The following HSPA12A variants were observed in gnomAD, a reference collection of about 807,000 sequenced individuals.
The protein encoded by HSPA12A is heat shock 70 kDa protein 12A.
HSPA12A carries 28 observed loss-of-function variants against 69.2 expected under a neutral mutation model. That is an observed-to-expected ratio of 0.40 (90% CI 0.30 to 0.55). The LOEUF is 0.55. Among genes scored for constraint, HSPA12A ranks in the 20% least tolerant of loss-of-function variants. HSPA12A has a pLI of 0.38. For missense variants in HSPA12A, 686 were observed against 900.7 expected, an observed-to-expected ratio of 0.76 and a Z score of 3.05; for synonymous variants, 345 against 370.5, an observed-to-expected ratio of 0.93 and a Z score of 0.79.
upstream of HSPA12A, among the ~76,000 whole-genome samples, chr10:116,746,492 G>T (rs1851652206): frequency 6.6e-6 from 1 of 152,204 alleles, no homozygotes; most frequent in African/African-American, 2.4e-5. Context: ...CAGAGAGCAT[G>T]GGGTCAGCTG....
At chr10:116,816,446 T>A (rs1845305511) in intron 2 of HSPA12A, among the ~76,000 whole-genome samples, 1 of 152,220 alleles carries the variant, frequency 6.6e-6, no homozygotes, top group Non-Finnish European at 1.5e-5. Context: ...ACTCTTCACC[T>A]TTTCTCCGAG....
chr10:116,739,654 C>T (rs996586195), intron 1 of HSPA12A, among the ~76,000 whole-genome samples: 1 of 152,158 alleles, frequency 6.6e-6, no homozygotes, highest in Non-Finnish European at 1.5e-5. Context: ...CCACTCAGGT[C>T]ATGCGGGAGG....
At position 116,672,452 on chromosome 10, in the gene HSPA12A, G is replaced by T. The variant is rs1029541612; in HGVS notation, c.*2329C>A. ...TGTGCATGGAGAAGGGTCTGATGAG[G>T]CTCCTGATCCAGGCGGTCCACGTGC... On this transcript the variant is annotated 3_prime_UTR_variant, in exon 12 of 12. Coordinates refer to ENST00000369209, the MANE Select transcript of HSPA12A (RefSeq NM_025015.3). The T allele has an allele frequency of 6.6e-6, 1 of 152,228 alleles. No homozygotes were observed. The highest frequency in any genetic ancestry group is 1.5e-5 in the Non-Finnish European group (1 of 68,060). 9.4% of individuals were successfully genotyped at this position (152,228 alleles called of 1,614,324 possible). A position where few individuals can be genotyped will look rare whatever the true frequency, so the allele number is the denominator to read the frequency against.
intron 2 of HSPA12A, chr10:116,750,629 G>A (rs374118868): frequency 3.6e-5 from 9 of 249,406 alleles, no homozygotes; most frequent in Admixed American, 2.4e-4. Context: ...AGAGAGTAAC[G>A]CTGCTATGCA....
chr10:116,818,415 A>G (rs1845347577), intron 2 of HSPA12A, among the ~76,000 whole-genome samples: 1 of 151,752 alleles, frequency 6.6e-6, no homozygotes, highest in African/African-American at 2.4e-5. Context: ...CCATAATGGC[A>G]GTGATGTATG....
intron 2 of HSPA12A, among the ~76,000 whole-genome samples, chr10:116,768,863 C>G (rs943687582): frequency 1.3e-5 from 2 of 152,082 alleles, no homozygotes; most frequent in African/African-American, 4.8e-5. Context: ...CTTAGCACAG[C>G]CCCCTATTGC....
At chr10:116,768,654 C>T (rs1353405843) in intron 2 of HSPA12A, among the ~76,000 whole-genome samples, 1 of 152,122 alleles carries the variant, frequency 6.6e-6, no homozygotes, top group African/African-American at 2.4e-5. Context: ...GCTGGGACTA[C>T]AGGAGCCTGG....
chr10:116,704,288 T>C (rs981345020), intron 3 of HSPA12A, among the ~76,000 whole-genome samples: 1 of 152,036 alleles, frequency 6.6e-6, no homozygotes, highest in Non-Finnish European at 1.5e-5. Context: ...CCATAAAAAA[T>C]GATGAGTTCA....
At chr10:116,696,663 CTA>C (rs1554880913) in intron 5 of HSPA12A, among the ~76,000 whole-genome samples, 1 of 152,154 alleles carries the variant, frequency 6.6e-6, no homozygotes, top group Admixed American at 6.5e-5. Flanking sequence ...CATTCCCCCA[CTA>C]GAAATCCTTT....
intron 1 of HSPA12A, among the ~76,000 whole-genome samples, chr10:116,837,380 A>C (rs1352992242): frequency 6.6e-6 from 1 of 152,218 alleles, no homozygotes; most frequent in Non-Finnish European, 1.5e-5. Flanking sequence ...CAGGTGAATC[A>C]CCTGTCATCA....
At chr10:116,774,999 T>TAC (rs1844303796) in intron 2 of HSPA12A, among the ~76,000 whole-genome samples, 1 of 151,984 alleles carries the variant, frequency 6.6e-6, no homozygotes, top group Non-Finnish European at 1.5e-5. Flanking sequence ...ACTGTGCTGC[T>TAC]TTGGGGGACT....
In HSPA12A at chr10:116,723,306, G is replaced by A. The variant is rs1367968487; in HGVS notation, c.41-16021C>T. On this transcript the variant is annotated intron_variant, in intron 1 of 11. Transcript: ENST00000369209. This position sits in a 1 kb window ranked among gnomAD's most constrained non-coding sequence, Gnocchi z 4.1. ...ATCTGCCATCCCTCAGGCCTGGCTT[G>A]TGCACTGGCTGTCTGCAGGGAGAGA... Among the ~76,000 whole-genome samples, 1 of 152,116 alleles carries A rather than the reference G, an allele frequency of 6.6e-6. No individual in the cohort carries two copies. The highest frequency in any genetic ancestry group is 1.5e-5 in the Non-Finnish European group (1 of 68,018).
intron 2 of HSPA12A, among the ~76,000 whole-genome samples, chr10:116,752,711 T>C (rs1554888470): frequency 6.6e-6 from 1 of 152,194 alleles, no homozygotes; most frequent in African/African-American, 2.4e-5. Context: ...ACTTGCTCCA[T>C]CCCCGCCTAG....
chr10:116,757,369 G>A (rs1453212843), intron 2 of HSPA12A, among the ~76,000 whole-genome samples: 1 of 152,146 alleles, frequency 6.6e-6, no homozygotes, highest in East Asian at 1.9e-4. Flanking sequence ...CAGGGCTGAT[G>A]ATCAAAATCC....
At chr10:116,789,727 A>G (rs1844660249) in intron 2 of HSPA12A, among the ~76,000 whole-genome samples, 1 of 152,212 alleles carries the variant, frequency 6.6e-6, no homozygotes, top group Non-Finnish European at 1.5e-5. Flanking sequence ...AACACGTCGT[A>G]GAGTGAAGCT....
At chr10:116,724,449 G>A (rs1850883437) in intron 1 of HSPA12A, among the ~76,000 whole-genome samples, 1 of 152,066 alleles carries the variant, frequency 6.6e-6, no homozygotes, top group East Asian at 1.9e-4. Context: ...GACCTTTTGA[G>A]TCTCCATCTC....
intron 1 of HSPA12A, among the ~76,000 whole-genome samples, chr10:116,846,309 T>C (rs1239862008): frequency 6.6e-6 from 1 of 152,064 alleles, no homozygotes; most frequent in Non-Finnish European, 1.5e-5. Flanking sequence ...CCCTCAAATA[T>C]TGTTAATGTA....
At chr10:116,711,704 G>C (rs1469528251) in intron 1 of HSPA12A, among the ~76,000 whole-genome samples, 4 of 127,378 alleles carry the variant, frequency 3.1e-5, no homozygotes, top group Non-Finnish European at 6.2e-5. Context: ...TCGCTCTGTC[G>C]CCCAGGCTGA....
chr10:116,674,897 C>T lies in HSPA12A; in HGVS notation c.1912G>A (p.Ala638Thr), dbSNP rs41284376. The T allele has an allele frequency of 4.8e-3, 7,819 of 1,614,070 alleles. 57 individuals carry two copies. The highest frequency in any genetic ancestry group is 4.4e-3 in the Non-Finnish European group (5,161 of 1,180,036). ...LTGTSGTAVP[A>T]RREIQTLMQF... is the part of the protein sequence containing the mutation. The stretch of plus-strand genomic sequence containing the variant: ...ATAAGGGTCTGGATCTCCCTCCGGG[C>T]GGGCACCGCAGTGCCACTGGTCCCT... The change falls in exon 12 of 12, where the codon GCC becomes ACC. Residue 638 changes from alanine to threonine, a missense_variant. Physicochemically the swap from Ala to Thr is moderately conservative, Grantham distance 58. Transcript: ENST00000369209.
Sources: gnomAD v4.1 joint callset for allele counts (sites outside exome capture counted in the v4.1 genomes callset) on GRCh38, gnomAD v4.1.1 for gene constraint, Gnocchi (gnomAD v3.1) non-coding constraint, MANE v1.5 for transcripts, NCBI Gene and HGNC (gene_info 2026-07-23, HGNC 2026-07-21) for gene names.